DNAH10: variants seen among roughly 807,000 people sequenced by gnomAD.
The protein encoded by DNAH10 is dynein axonemal heavy chain 10.
A neutral mutation model predicts 506.6 loss-of-function variants in DNAH10; 348 were observed. The observed-to-expected ratio is 0.69, with a 90% CI of 0.63 to 0.75. DNAH10 has a LOEUF of 0.75. Among genes scored for constraint, DNAH10 ranks in the 30% least tolerant of loss-of-function variants. The pLI is 0.00. For missense variants in DNAH10, 5,179 were observed against 5,787.1 expected, an observed-to-expected ratio of 0.89 and a Z score of 3.41; for synonymous variants, 2,059 against 2,198.6, an observed-to-expected ratio of 0.94 and a Z score of 1.78.
chr12:123,929,686 C>G lies in DNAH10; in HGVS notation c.12539C>G (p.Thr4180Arg), dbSNP rs749728697. The change falls in exon 72 of 79, where the codon ACG becomes AGG. Residue 4180 changes from threonine (T) to arginine (R), a missense_variant. Physicochemically the swap from Thr to Arg is moderately conservative, Grantham distance 71. This residue lies in a region of DNAH10 where 4,844 missense variants were observed against 5,430.5 expected (regional missense o/e 0.89). Coordinates refer to ENST00000673944, the MANE Select transcript of DNAH10 (RefSeq NM_001372106.1). ...DFQVCMEILN[T>R]YLTKAFQQRD... ...AAGGTCTGCATGGAAATTCTGAACA[C>G]GTACTTAACGAAAGCCTTCCAGCAA... The G allele has an allele frequency of 1.2e-6, 2 of 1,613,438 alleles. No homozygotes were observed. The highest frequency in any genetic ancestry group is 8.5e-7 in the Non-Finnish European group (1 of 1,179,656).
In DNAH10 at chr12:123,930,651, C is replaced by T. The variant is rs1006070413; in HGVS notation, c.12784+78C>T. 3.6e-5 allele frequency: 55 copies of T among 1,514,150 alleles called. 1 individual carries two copies. Among genetic ancestry groups the T allele is most frequent in the Middle Eastern group, 1.7e-4 (1 of 5,848 alleles). 93.8% of individuals were successfully genotyped at this position (1,514,150 alleles called of 1,614,324 possible). On this transcript the variant is annotated intron_variant, in intron 73 of 78. Transcript: ENST00000673944. ...CCATACATTTCAACCGGCTCCTCTC[C>T]TGGTGGGGGCTCCTCGGCTGGTCAG... is the stretch of plus-strand genomic sequence containing the variant.
chr12:123,902,882 C>T lies in DNAH10; in HGVS notation c.9641-57C>T, dbSNP rs983141038. On this transcript the variant is annotated intron_variant, in intron 56 of 78. Transcript: ENST00000673944. This position sits in a 1 kb window ranked among gnomAD's most constrained non-coding sequence, Gnocchi z 4.5. ...GACTGCACTCTGCTCAGAGCCGGGG[C>T]CGCGAGTGCATCTCCTCTGAGCCCA... 5.9e-6 allele frequency: 9 copies of T among 1,516,080 alleles called. No individual in the cohort carries two copies. In the African/African-American group the frequency reaches 1.3e-4, roughly 21 times the overall value. 93.9% of individuals were successfully genotyped at this position (1,516,080 alleles called of 1,614,324 possible).
Position 123,928,988 on chromosome 12 carries a change from C to CTT in DNAH10, c.12307-286_12307-285insTT. On this transcript the variant is annotated intron_variant, in intron 70 of 78. Coordinates refer to ENST00000673944, the MANE Select transcript of DNAH10 (RefSeq NM_001372106.1). This position sits in a 1 kb window ranked among gnomAD's most constrained non-coding sequence, Gnocchi z 4.9. Reference sequence around the variant, plus strand: ...GTTTTGTCATTCTCTGTCTCTCTCTCTCTCTCTGGGGAGGTGGAGGGAAGA... The same window carrying CTT: ...GTTTTGTCATTCTCTGTCTCTCTCTCTTTCTCTCTGGGGAGGTGGAGGGAAGA... 1.9e-6 allele frequency: 1 copy of CTT among 532,882 alleles called. No homozygotes were observed. Among genetic ancestry groups the CTT allele is most frequent in the Non-Finnish European group, 3.3e-6 (1 of 304,012 alleles). 33.0% of individuals were successfully genotyped at this position (532,882 alleles called of 1,614,324 possible).
rs199581356 is a variant in DNAH10 at position 123,813,419 on chromosome 12, C to G, written c.3400C>G (p.Pro1134Ala). The G allele has an allele frequency of 1.2e-6, 2 of 1,614,044 alleles. No homozygotes were observed. The highest frequency in any genetic ancestry group is 1.3e-5 in the African/African-American group (1 of 74,914). ...GATGGAGAAATTTGCTGCCAAGAAA[C>G]CTCCTTGTGTAGCATATGATGAAAA... The part of the protein sequence containing the change: ...IVMEKFAAKK[P>A]PCVAYDEKLQ... Residue 1134 changes from proline (P) to alanine (A), a missense_variant, in exon 20 of 79, where the codon CCT becomes GCT. Physicochemically the swap from Pro to Ala is conservative, Grantham distance 27. Coordinates refer to ENST00000673944, the MANE Select transcript of DNAH10 (RefSeq NM_001372106.1).
rs927337253 is a variant in DNAH10, at chr12:123,925,183, T to G, written c.11900T>G (p.Val3967Gly). Residue 3967 changes from valine to glycine, a missense_variant, in exon 68 of 79, where the codon GTG becomes GGG. This residue lies in a region of DNAH10 where 4,844 missense variants were observed against 5,430.5 expected (regional missense o/e 0.89). Transcript: ENST00000673944. This position sits in a 1 kb window ranked among gnomAD's most constrained non-coding sequence, Gnocchi z 4.0. ...GTCTATCGGGCCGTGACTGACTATG[T>G]GACTGTAACAATGGGAGAGAAGTAA... ...DRVYRAVTDY[V>G]TVTMGEKYVQ... is the part of the protein sequence containing the mutation. 2 of 1,613,906 alleles carry G rather than the reference T, an allele frequency of 1.2e-6. No homozygotes were observed. The highest frequency in any genetic ancestry group is 2.7e-5 in the African/African-American group (2 of 74,930).
At chr12:123,816,778 A>G (rs1483620832) in intron 21 of DNAH10, among the ~76,000 whole-genome samples, 1 of 152,198 alleles carries the variant, frequency 6.6e-6, no homozygotes, top group East Asian at 1.9e-4. Context: ...TATGGGACTT[A>G]CGCCTGCATT....
chr12:123,899,283 C>G (rs1355098812), intron 56 of DNAH10, among the ~76,000 whole-genome samples: 1 of 152,182 alleles, frequency 6.6e-6, no homozygotes, highest in Non-Finnish European at 1.5e-5. Context: ...CTTGACGACT[C>G]TACCCTCTCG....
Position 123,893,392 on chromosome 12 carries a change from C to T in DNAH10, c.9155C>T (p.Ser3052Leu), listed in dbSNP as rs776158601. 74 of 1,613,382 alleles carry T rather than the reference C, an allele frequency of 4.6e-5. No individual in the cohort carries two copies. The highest frequency in any genetic ancestry group is 5.8e-5 in the Non-Finnish European group (68 of 1,179,906). Residue 3052 changes from serine to leucine, a missense_variant, in exon 53 of 79, where the codon TCG becomes TTG. This residue lies in a region of DNAH10 where 4,844 missense variants were observed against 5,430.5 expected (regional missense o/e 0.89). Transcript: ENST00000673944. ...AACCTGCACATTGTCCTGGGCATGT[C>T]GCCAGTGGGGGACACCCTGAGGACC... ...ANNLHIVLGM[S>L]PVGDTLRTWC...
chr12:123,933,925 C>T (rs77020228), intron 77 of DNAH10: 2 of 431,956 alleles, frequency 4.6e-6, no homozygotes, highest in Admixed American at 3.9e-5. Flanking sequence ...GCCAGAACTT[C>T]AGGTCCCTTA....
intron 49 of DNAH10, 116 bp from the exon 50 acceptor site, chr12:123,879,518 G>A: frequency 6.6e-7 from 1 of 1,505,352 alleles, no homozygotes; most frequent in Admixed American, 2.0e-5. Flanking sequence ...TGCAGCAACT[G>A]AAAAAAAATA....
chr12:123,923,650 C>T (rs1954821307), intron 65 of DNAH10, 113 bp from the exon 66 acceptor site: 1 of 656,646 alleles, frequency 1.5e-6, no homozygotes, highest in Admixed American at 3.2e-5. Context: ...TAAATGCAGC[C>T]ATACAGTTCG....
At chr12:123,866,142 A>AGGGATGT in intron 41 of DNAH10, 69 bp downstream of exon 41, 1 of 1,240,450 alleles carries the variant, frequency 8.1e-7, no homozygotes, top group South Asian at 1.7e-5. Flanking sequence ...CATAGTCCAG[A>AGGGATGT]GGGATGTTTG....
At chr12:123,929,062 G>A (rs1480396404) in intron 70 of DNAH10, 3 of 604,132 alleles carry the variant, frequency 5.0e-6, no homozygotes, top group Non-Finnish European at 8.8e-6. Flanking sequence ...TTCAGAGGAA[G>A]GTCAAAGACT....
intron 2 of DNAH10, among the ~76,000 whole-genome samples, chr12:123,770,442 A>G (rs1163981065): frequency 6.6e-6 from 1 of 150,614 alleles, no homozygotes; most frequent in Non-Finnish European, 1.5e-5. Flanking sequence ...GGAATTAGCA[A>G]TGGACTACAG....
intron 1 of DNAH10, among the ~76,000 whole-genome samples, chr12:123,767,382 A>G (rs1484690125): frequency 6.6e-6 from 1 of 152,092 alleles, no homozygotes; most frequent in Non-Finnish European, 1.5e-5. Context: ...AACTCTGATC[A>G]TTTCTGTATC....
In DNAH10 at chr12:123,867,924, T is replaced by C. The variant is rs1330637091; in HGVS notation, c.7324T>C (p.Leu2442=). 1 of 1,613,564 alleles carries C rather than the reference T, an allele frequency of 6.2e-7. No individual in the cohort carries two copies. Among genetic ancestry groups the C allele is most frequent in the East Asian group, 2.2e-5 (1 of 44,884 alleles). ...LNMVTQLAKM[L]DALLEGEIED... ...CCAGGTAACCCAGTTAGCCAAGATGTTGGATGCGTTGCTAGAAGGAGAAAT... is the reference window on the plus strand; with the variant it reads ...CCAGGTAACCCAGTTAGCCAAGATGCTGGATGCGTTGCTAGAAGGAGAAAT... The change falls in exon 43 of 79, where the codon TTG becomes CTG. Residue 2442 remains leucine, a synonymous_variant. Transcript: ENST00000673944.
chr12:123,864,667 G>A lies in DNAH10; in HGVS notation c.6981G>A (p.Arg2327=), dbSNP rs757073345. Residue 2327 remains arginine, a synonymous_variant, in exon 40 of 79, where the codon AGG becomes AGA. Coordinates refer to ENST00000673944, the MANE Select transcript of DNAH10 (RefSeq NM_001372106.1). ...TGAATTCTGTGATGGATGACAACAG[G>A]TTGTTGACATTGGCCAACGGGGAAC... ...ENMNSVMDDN[R]LLTLANGERI... 3.7e-6 allele frequency: 6 copies of A among 1,613,882 alleles called. No individual in the cohort carries two copies. The East Asian group carries it at 6.7e-5, about 18-fold the overall frequency.
At chr12:123,933,264 G>A (rs1171266975) in intron 76 of DNAH10, 67 bp from the exon 77 acceptor site, 1 of 1,320,528 alleles carries the variant, frequency 7.6e-7, no homozygotes, top group Non-Finnish European at 9.8e-7. Context: ...TAAACTTCCA[G>A]GCCAGCTTTG....
chr12:123,891,231 T>G (rs533370454), intron 52 of DNAH10, among the ~76,000 whole-genome samples: 5 of 152,292 alleles, frequency 3.3e-5, no homozygotes, highest in African/African-American at 1.2e-4. Flanking sequence ...TCTGTCTCTG[T>G]GTCCAAATTT....
Sources: gnomAD v4.1 joint callset for allele counts (sites outside exome capture counted in the v4.1 genomes callset) on GRCh38, gnomAD v4.1.1 for gene constraint, gnomAD v4.1.1 regional missense constraint, Gnocchi (gnomAD v3.1) non-coding constraint, MANE v1.5 for transcripts, NCBI Gene and HGNC (gene_info 2026-07-23, HGNC 2026-07-21) for gene names.